BMPR2: variants seen among roughly 807,000 people sequenced by gnomAD.
The protein encoded by BMPR2 is bone morphogenetic protein receptor type 2, also known as bone morphogenetic protein receptor type-2.
In BMPR2, 29 loss-of-function variants were observed where a neutral mutation model predicts 100.8. The observed-to-expected ratio is 0.29, with a 90% CI of 0.21 to 0.39. The LOEUF (loss-of-function observed/expected upper bound fraction) is 0.39. Ranked by LOEUF, BMPR2 falls within the 10% of genes least tolerant of loss-of-function variation. The pLI, the probability that BMPR2 is intolerant of heterozygous loss-of-function variation, is 1.00. For missense variants in BMPR2, 1,011 were observed against 1,274.5 expected (o/e 0.79, Z 3.15); for synonymous variants, 382 against 442.3 (o/e 0.86, Z 1.71).
intron 12 of BMPR2, among the ~76,000 whole-genome samples, chr2:202,558,841 C>T (rs778386534): frequency 2.1e-5 from 3 of 144,198 alleles, no homozygotes; most frequent in Non-Finnish European, 3.0e-5. Flanking sequence ...TGCGGTGAGC[C>T]GAGATCATGT....
intron 1 of BMPR2, among the ~76,000 whole-genome samples, chr2:202,433,972 A>G (rs1691558725): frequency 6.6e-6 from 1 of 150,790 alleles, no homozygotes; most frequent in East Asian, 1.9e-4. Context: ...GCAGACTGCA[A>G]GGAAATTTGC....
chr2:202,518,781 A>G (rs780773658), intron 5 of BMPR2, 41 bp from the exon 6 acceptor site: 11 of 1,481,794 alleles, frequency 7.4e-6, no homozygotes, highest in East Asian at 2.3e-5. Context: ...TGATTGTTCA[A>G]TTGTGATATT....
chr2:202,534,210 CGTGT>C (rs371342632), intron 9 of BMPR2, among the ~76,000 whole-genome samples: 24,714 of 144,728 alleles, frequency 0.17, 2,399 homozygotes, highest in Middle Eastern at 0.23. Flanking sequence ...ATATATGTAT[CGTGT>C]GTGTGTGTAT....
chr2:202,563,228 T>TCAACACCAG lies in BMPR2; in HGVS notation c.*3284_*3292dup, dbSNP rs1688704798. The TCAACACCAG allele has an allele frequency of 6.6e-6, 1 of 152,148 alleles. No homozygotes were observed. Among genetic ancestry groups the TCAACACCAG allele is most frequent in the Admixed American group, 6.5e-5 (1 of 15,270 alleles). 9.4% of individuals were successfully genotyped at this position (152,148 alleles called of 1,614,324 possible). On this transcript the variant is annotated 3_prime_UTR_variant, in exon 13 of 13. Coordinates refer to ENST00000374580, the MANE Select transcript of BMPR2 (RefSeq NM_001204.7). ...CCGGGTGGATCATGAGGTCAGACGT[T>TCAACACCAG]CAACACCAGCCTGGCCAAGATGGTG...
At chr2:202,395,247 T>A (rs1463085487) in intron 1 of BMPR2, among the ~76,000 whole-genome samples, 1 of 152,242 alleles carries the variant, frequency 6.6e-6, no homozygotes, top group Non-Finnish European at 1.5e-5. Context: ...ATTTATCACA[T>A]TGACTTGCCT....
At chr2:202,417,544 A>C (rs1325441623) in intron 1 of BMPR2, among the ~76,000 whole-genome samples, 3 of 149,440 alleles carry the variant, frequency 2.0e-5, no homozygotes, top group African/African-American at 4.9e-5. Flanking sequence ...CTCAGGTGAT[A>C]CGCCCGCCTT....
chr2:202,451,267 CTCAA>C (rs932616902), intron 1 of BMPR2, among the ~76,000 whole-genome samples: 2 of 152,172 alleles, frequency 1.3e-5, no homozygotes, highest in Non-Finnish European at 2.9e-5. Context: ...GATTCTGTGA[CTCAA>C]TAACACCTTT....
At chr2:202,557,647 G>A (rs1452779017) in intron 12 of BMPR2, among the ~76,000 whole-genome samples, 2 of 152,082 alleles carry the variant, frequency 1.3e-5, no homozygotes, top group East Asian at 3.9e-4. Context: ...AGCCTGGGCA[G>A]CAAGAGCGAA....
In BMPR2 at chr2:202,555,287, G is replaced by T. The variant is rs1197691319; in HGVS notation, c.1622G>T (p.Gly541Val). 3 of 1,614,016 alleles carry T rather than the reference G, an allele frequency of 1.9e-6. No individual in the cohort carries two copies. Among genetic ancestry groups the T allele is most frequent in the Non-Finnish European group, 2.5e-6 (3 of 1,180,002 alleles). ...CATAATAGGCGTGTGCCAAAAATTG[G>T]TCCTTATCCAGATTATTCTTCCTCC... ...LSHNRRVPKI[G>V]PYPDYSSSSY... Residue 541 changes from glycine to valine, a missense_variant, in exon 12 of 13, where the codon GGT becomes GTT. Gly to Val is a moderately radical substitution (Grantham distance 109, BLOSUM62 -3). Around this residue, in one of 6 missense-constraint regions of BMPR2, gnomAD observed 508 missense variants for 552.0 expected, o/e 0.92. Coordinates refer to ENST00000374580, the MANE Select transcript of BMPR2 (RefSeq NM_001204.7).
rs538314646 is a variant in BMPR2 at position 202,498,289 on chromosome 2, G to A, written c.419-15430G>A. Among the ~76,000 whole-genome samples the A allele has an allele frequency of 3.9e-5, 6 of 152,304 alleles. No individual in the cohort carries two copies. The East Asian group carries it at 5.8e-4, about 15-fold the overall frequency. ...GGGTGCAGGTTTTCAAGAATGCGTC[G>A]GTAAGGACCACTAAATCCGACCTTC... On this transcript the variant is annotated intron_variant, in intron 3 of 12. Coordinates refer to ENST00000374580, the MANE Select transcript of BMPR2 (RefSeq NM_001204.7).
rs555294230 is a variant in BMPR2 at position 202,426,419 on chromosome 2, A to G, written c.77-38390A>G. On this transcript the variant is annotated intron_variant, in intron 1 of 12. Transcript: ENST00000374580. ...AACATGGTGAAACCCCATTTCTACT[A>G]AAAATACAAAAATTAGGCAGGCGTG... Among the ~76,000 whole-genome samples, 299 of 151,994 alleles carry G rather than the reference A, an allele frequency of 2.0e-3. 1 individual carries two copies. Among genetic ancestry groups the G allele is most frequent in the Admixed American group, 3.3e-3 (50 of 15,224 alleles).
rs1052155506 is a variant in BMPR2, at chr2:202,514,973, G to A, written c.615G>A (p.Leu205=). ...CTCTTGATCTAGATAATCTGAAACT[G>A]TTGGAGGTAAGTTTGCCGTTAGATT... The part of the protein sequence containing the change: ...EPSLDLDNLK[L]LELIGRGRYG... The change falls in exon 5 of 13, where the codon CTG becomes CTA. Residue 205 remains leucine (L), a synonymous_variant. Coordinates refer to ENST00000374580, the MANE Select transcript of BMPR2 (RefSeq NM_001204.7). 6.2e-7 allele frequency: 1 copy of A among 1,614,066 alleles called. No individual in the cohort carries two copies. Among genetic ancestry groups the A allele is most frequent in the Non-Finnish European group, 8.5e-7 (1 of 1,179,964 alleles).
intron 1 of BMPR2, among the ~76,000 whole-genome samples, chr2:202,461,665 T>C (rs956650341): frequency 1.3e-5 from 2 of 152,114 alleles, no homozygotes; most frequent in South Asian, 4.1e-4. Flanking sequence ...AAAATGATAA[T>C]TCCAGGAAGA....
intron 2 of BMPR2, among the ~76,000 whole-genome samples, chr2:202,465,558 C>G (rs1692302797): frequency 2.0e-5 from 3 of 152,004 alleles, no homozygotes; most frequent in Non-Finnish European, 4.4e-5. Flanking sequence ...ATAATATACT[C>G]TTTAAAAATA....
intron 7 of BMPR2, among the ~76,000 whole-genome samples, chr2:202,522,237 G>C (rs545713195): frequency 6.6e-6 from 1 of 152,256 alleles, no homozygotes; most frequent in African/African-American, 2.4e-5. Context: ...GCCGGGCACG[G>C]TGGCTCACGC....
Position 202,445,814 on chromosome 2 carries a change from G to A in BMPR2, c.77-18995G>A, listed in dbSNP as rs1270750875. 3.1e-5 allele frequency among the ~76,000 whole-genome samples: 4 copies of A among 128,168 alleles called. 1 individual carries two copies. The highest frequency in any genetic ancestry group is 4.7e-4 in the South Asian group (2 of 4,288). 84.1% of individuals were successfully genotyped at this position (128,168 alleles called of 152,430 possible). A position where few individuals can be genotyped will look rare whatever the true frequency, so the allele number is the denominator to read the frequency against. The stretch of plus-strand genomic sequence containing the variant: ...TTTGAGACGGGAGTCTTGCTCTGTC[G>A]CCCAGGCTGGAGTGCAGTGGCACAA... On this transcript the variant is annotated intron_variant, in intron 1 of 12. Transcript: ENST00000374580.
chr2:202,416,101 G>A (rs1466084625), intron 1 of BMPR2, among the ~76,000 whole-genome samples: 1 of 152,150 alleles, frequency 6.6e-6, no homozygotes, highest in Non-Finnish European at 1.5e-5. Flanking sequence ...TTTGGAAGAA[G>A]TTGATTCCAA....
At chr2:202,448,324 G>A (rs368734752) in intron 1 of BMPR2, among the ~76,000 whole-genome samples, 15 of 150,744 alleles carry the variant, frequency 1.0e-4, no homozygotes, top group Middle Eastern at 3.4e-3. Context: ...GGTGGCTGGC[G>A]TAGTCCCAGC....
intron 3 of BMPR2, among the ~76,000 whole-genome samples, chr2:202,508,111 ATT>A (rs869227783): frequency 9.0e-6 from 1 of 110,834 alleles, no homozygotes; most frequent in African/African-American, 3.4e-5. Context: ...TATTATTATT[ATT>A]TTTGAGTCTC....
Sources: allele counts gnomAD v4.1 joint callset (sites outside exome capture counted in the v4.1 genomes callset), GRCh38; gene constraint gnomAD v4.1.1; regional missense constraint gnomAD v4.1.1; transcripts MANE v1.5; gene names NCBI Gene and HGNC (gene_info 2026-07-23, HGNC 2026-07-21).